Variants in COBLL1 observed in about 807,000 individuals in gnomAD.
COBLL1 encodes the protein cordon-bleu WH2 repeat protein like 1, also known as cordon-bleu protein-like 1.
In COBLL1, 50 loss-of-function variants were observed where a neutral mutation model predicts 94.8. The ratio of observed to expected loss-of-function variants is 0.53; its 90% CI spans 0.42 to 0.67. The LOEUF (loss-of-function observed/expected upper bound fraction) is 0.67. COBLL1 is among the 30% of genes least tolerant of loss of function. The probability of loss-of-function intolerance (pLI) is 0.00; values close to 1 mark genes in which losing one functional copy is unlikely to be tolerated. For missense variants in COBLL1, 1,362 were observed against 1,348.7 expected, an observed-to-expected ratio of 1.01 and a Z score of -0.15; for synonymous variants, 448 against 473.8, an observed-to-expected ratio of 0.95 and a Z score of 0.71.
chr2:164,830,528 A>G (rs1683028885), intron 2 of COBLL1, among the ~76,000 whole-genome samples: 1 of 152,218 alleles, frequency 6.6e-6, no homozygotes, highest in Non-Finnish European at 1.5e-5. Flanking sequence ...TTGATTAGAA[A>G]GCTATAAAAA....
At chr2:164,793,653 C>T (rs1405941710) in intron 2 of COBLL1, among the ~76,000 whole-genome samples, 1 of 152,152 alleles carries the variant, frequency 6.6e-6, no homozygotes. Flanking sequence ...ATAGCTTCCA[C>T]ATTAAGTTCC....
chr2:164,742,839 AAC>A (rs373077306), intron 3 of COBLL1, among the ~76,000 whole-genome samples: 1 of 151,516 alleles, frequency 6.6e-6, no homozygotes. Context: ...CCTTATACAC[AAC>A]ACACACACAC....
At chr2:164,841,999 C>T (rs1159164922), upstream of COBLL1, 1 of 1,540,212 alleles carries the variant, frequency 6.5e-7, no homozygotes, top group Admixed American at 2.0e-5. The surrounding 1 kb of genome is among the most constrained non-coding windows in gnomAD (Gnocchi z 5.5). Context: ...CTCGCCGCCG[C>T]CTCTGCAGCA....
At chr2:164,705,990 C>A (rs144749947) in intron 7 of COBLL1, among the ~76,000 whole-genome samples, 2 of 152,124 alleles carry the variant, frequency 1.3e-5, no homozygotes, top group African/African-American at 2.4e-5. Context: ...GCCAAGATTG[C>A]GCCATTGCAC....
In COBLL1 at chr2:164,797,687, T is replaced by C. The variant is rs565995901; in HGVS notation, c.41+43469A>G. Among the ~76,000 whole-genome samples the C allele has an allele frequency of 8.5e-5, 13 of 152,306 alleles. No homozygotes were observed. The East Asian group carries it at 1.3e-3, about 16-fold the overall frequency. On this transcript the variant is annotated intron_variant, in intron 2 of 13. Transcript: ENST00000652658. ...TTGTTTTTTCAAGAAGTTCTAATTA[T>C]GGTGTTTTTTCTTTCTACAGTACAT...
At chr2:164,661,641 G>A (rs1196870198) in intron 2 of COBLL1, among the ~76,000 whole-genome samples, 1 of 152,066 alleles carries the variant, frequency 6.6e-6, no homozygotes, top group Admixed American at 6.6e-5. Context: ...GTGTATTAAT[G>A]TAGATGTCAT....
chr2:164,770,182 A>T, intron 2 of COBLL1, among the ~76,000 whole-genome samples: 1 of 152,130 alleles, frequency 6.6e-6, no homozygotes, highest in Non-Finnish European at 1.5e-5. Context: ...AGAGAAGTTC[A>T]TTTCAAAACC....
chr2:164,811,307 T>C (rs1306341116), intron 2 of COBLL1, among the ~76,000 whole-genome samples: 4 of 151,990 alleles, frequency 2.6e-5, no homozygotes, highest in African/African-American at 7.2e-5. Context: ...TAGATTTCAA[T>C]TGTGATAGTG....
rs533421660 is a variant in COBLL1, at chr2:164,673,979, A to G, written n.127-8078T>C. On this transcript the variant is annotated intron_variant and non_coding_transcript_variant, in intron 1 of 2. Transcript: ENST00000495084. ...TGAGTACCTCTATTATAAGATTTGT[A>G]GGAAGGTAGAATTGGTATTTCTAAT... is the stretch of plus-strand genomic sequence containing the variant. 1.4e-3 allele frequency among the ~76,000 whole-genome samples: 207 copies of G among 152,348 alleles called. 1 individual carries two copies. The highest frequency in any genetic ancestry group is 2.3e-3 in the Non-Finnish European group (156 of 68,024).
chr2:164,757,728 C>A (rs1687483054), intron 2 of COBLL1, among the ~76,000 whole-genome samples: 1 of 152,110 alleles, frequency 6.6e-6, no homozygotes, highest in Middle Eastern at 3.4e-3. Flanking sequence ...GGTAGGATCA[C>A]CTGATCCTGG....
At chr2:164,665,482 T>C (rs1374748742) in intron 2 of COBLL1, among the ~76,000 whole-genome samples, 1 of 149,832 alleles carries the variant, frequency 6.7e-6, no homozygotes, top group African/African-American at 2.5e-5. Flanking sequence ...AAAAAAGACA[T>C]GGCATAATTT....
intron 3 of COBLL1, among the ~76,000 whole-genome samples, chr2:164,736,699 G>A (rs1394262449): frequency 1.3e-5 from 2 of 151,806 alleles, no homozygotes; most frequent in African/African-American, 2.4e-5. Context: ...CACTATAATT[G>A]GGGCAATTTG....
At chr2:164,718,497 G>A (rs1024636111) in intron 7 of COBLL1, among the ~76,000 whole-genome samples, 1 of 152,088 alleles carries the variant, frequency 6.6e-6, no homozygotes, top group Non-Finnish European at 1.5e-5. Context: ...AAAATATTTA[G>A]CATGAATATT....
rs767359568 is a variant in COBLL1, at chr2:164,752,177, CTG to C, written c.42-8304_42-8303del. On this transcript the variant is annotated intron_variant, in intron 2 of 13. Transcript: ENST00000652658. ...ACAGCAGCTAATCCTTGAGTGTTGA[CTG>C]TGTGTTAGAAAATGTTTTTTACCTG... 2.6e-4 allele frequency among the ~76,000 whole-genome samples: 39 copies of C among 152,264 alleles called. No homozygotes were observed. The East Asian group carries it at 5.0e-3, about 20-fold the overall frequency.
chr2:164,834,422 C>G (rs1337897514), intron 2 of COBLL1, among the ~76,000 whole-genome samples: 1 of 152,158 alleles, frequency 6.6e-6, no homozygotes, highest in Non-Finnish European at 1.5e-5. Flanking sequence ...CTAGTCTTTA[C>G]TTGAAAAAGG....
At chr2:164,743,941 T>A (rs144121223) in intron 2 of COBLL1, 66 bp from the exon 3 acceptor site, 1 of 1,166,138 alleles carries the variant, frequency 8.6e-7, no homozygotes, top group Admixed American at 3.0e-5. Context: ...TTTAATATGA[T>A]GTATTTTTAT....
intron 2 of COBLL1, among the ~76,000 whole-genome samples, chr2:164,813,623 G>T (rs965641998): frequency 7.2e-5 from 11 of 152,022 alleles, no homozygotes; most frequent in Non-Finnish European, 1.6e-4. Context: ...CTTAAAATAA[G>T]AAATGAACAA....
At chr2:164,661,661 C>T (rs1691071943) in intron 2 of COBLL1, among the ~76,000 whole-genome samples, 1 of 152,082 alleles carries the variant, frequency 6.6e-6, no homozygotes, top group Admixed American at 6.6e-5. Context: ...TAGGTATTTT[C>T]ATGAGAATCA....
At chr2:164,730,950 C>A (rs558196390) in intron 3 of COBLL1, among the ~76,000 whole-genome samples, 83 of 152,194 alleles carry the variant, frequency 5.5e-4, no homozygotes, top group Non-Finnish European at 9.1e-4. Flanking sequence ...GCACTGGAAT[C>A]ACAGTACAAG....
Sources: allele counts gnomAD v4.1 joint callset (sites outside exome capture counted in the v4.1 genomes callset), GRCh38; gene constraint gnomAD v4.1.1; non-coding constraint Gnocchi (gnomAD v3.1); transcripts MANE v1.5; gene names NCBI Gene and HGNC (gene_info 2026-07-23, HGNC 2026-07-21).